The following NPTN variants were observed in gnomAD, a reference collection of about 807,000 sequenced individuals.
NPTN encodes the protein neuroplastin.
In NPTN, 5 loss-of-function variants were observed where a neutral mutation model predicts 42.7. The observed-to-expected ratio is 0.12, with a 90% CI of 0.06 to 0.25. NPTN has a LOEUF of 0.25. Ranked by LOEUF, NPTN falls within the 10% of genes least tolerant of loss-of-function variation. The pLI, the probability that NPTN is intolerant of heterozygous loss-of-function variation, is 1.00. For missense variants in NPTN, 307 were observed against 525.4 expected (o/e 0.58, Z 4.06); for synonymous variants, 180 against 201.9 (o/e 0.89, Z 0.92).
chr15:73,568,927 G>C (rs1219540007), intron 6 of NPTN: 5 of 985,418 alleles, frequency 5.1e-6, no homozygotes, highest in Non-Finnish European at 6.0e-6. Context: ...TGTCCTCCCA[G>C]AGAGTCTAAA....
intron 1 of NPTN, among the ~76,000 whole-genome samples, chr15:73,614,235 A>G (rs1314903504): frequency 6.6e-6 from 1 of 151,886 alleles, no homozygotes; most frequent in African/African-American, 2.4e-5. Flanking sequence ...TGGGAGGATC[A>G]TTTGAGCCTC....
intron 2 of NPTN, among the ~76,000 whole-genome samples, chr15:73,595,357 C>T (rs1393795745): frequency 2.6e-5 from 4 of 151,998 alleles, no homozygotes; most frequent in African/African-American, 9.7e-5. Context: ...AAAAAAAAAT[C>T]ACTGGGTTAA....
chr15:73,596,305 A>G (rs983164641), intron 2 of NPTN, among the ~76,000 whole-genome samples: 3 of 152,222 alleles, frequency 2.0e-5, no homozygotes, highest in Non-Finnish European at 4.4e-5. Flanking sequence ...AGAGAAGCAC[A>G]TGCCACGGTT....
chr15:73,624,218 C>T (rs1898282806), intron 1 of NPTN, among the ~76,000 whole-genome samples: 1 of 152,142 alleles, frequency 6.6e-6, no homozygotes, highest in East Asian at 1.9e-4. Context: ...AGGTTAGCAC[C>T]ATACTTTTGA....
chr15:73,602,989 G>C (rs77793449), intron 1 of NPTN, among the ~76,000 whole-genome samples: 7,456 of 152,246 alleles, frequency 0.049, 197 homozygotes, highest in South Asian at 0.093. Flanking sequence ...TGGAAAAATA[G>C]GGGAATCTAG....
At position 73,603,711 on chromosome 15, in the gene NPTN, A is replaced by C. The variant is rs564546587; in HGVS notation, c.92-6342T>G. On this transcript the variant is annotated intron_variant, in intron 1 of 8. Coordinates refer to ENST00000345330, the MANE Select transcript of NPTN (RefSeq NM_012428.4). ...AGTAGAAAATAATCCTATCAATTAT[A>C]AATCAGGCTGCTTAACAATATTTGG... Among the ~76,000 whole-genome samples the C allele has an allele frequency of 2.2e-4, 34 of 152,126 alleles. No homozygotes were observed. In the South Asian group the frequency reaches 6.2e-3, roughly 28 times the overall value.
intron 1 of NPTN, among the ~76,000 whole-genome samples, chr15:73,632,451 C>CA (rs762070489): frequency 3.9e-5 from 6 of 151,950 alleles, no homozygotes; most frequent in Non-Finnish European, 8.8e-5. Context: ...CCTCTTCCCC[C>CA]AGCTCATTTG....
chr15:73,629,758 C>A (rs1355425417), intron 1 of NPTN, among the ~76,000 whole-genome samples: 3 of 151,772 alleles, frequency 2.0e-5, no homozygotes, highest in African/African-American at 4.8e-5. Flanking sequence ...GTGCCGGGTA[C>A]CACACTCTAT....
At chr15:73,578,634 G>A (rs775405774) in intron 4 of NPTN, among the ~76,000 whole-genome samples, 1 of 152,150 alleles carries the variant, frequency 6.6e-6, no homozygotes, top group Non-Finnish European at 1.5e-5. Flanking sequence ...AAACAGTGGT[G>A]GTAAAAACCA....
At chr15:73,578,811 T>C (rs962960703) in intron 4 of NPTN, among the ~76,000 whole-genome samples, 2 of 151,996 alleles carry the variant, frequency 1.3e-5, no homozygotes, top group African/African-American at 2.4e-5. Context: ...CTGGCCAACC[T>C]GGTGAAACCT....
At chr15:73,590,266 G>A (rs1398860802) in intron 3 of NPTN, among the ~76,000 whole-genome samples, 1 of 152,022 alleles carries the variant, frequency 6.6e-6, no homozygotes, top group Non-Finnish European at 1.5e-5. Flanking sequence ...GTTATTTCAC[G>A]AAATGTAGAA....
At chr15:73,584,788 A>T (rs1896236601) in intron 4 of NPTN, among the ~76,000 whole-genome samples, 1 of 147,822 alleles carries the variant, frequency 6.8e-6, no homozygotes, top group Non-Finnish European at 1.5e-5. Context: ...AAAAAAAGGG[A>T]GAGAATTTAA....
At chr15:73,565,729 A>G (rs1298982082) in intron 6 of NPTN, 2 of 456,458 alleles carry the variant, frequency 4.4e-6, no homozygotes, top group Non-Finnish European at 8.8e-6. Context: ...GATAATGGAA[A>G]CAAGATGCTT....
At chr15:73,617,107 A>G (rs1340034073) in intron 1 of NPTN, among the ~76,000 whole-genome samples, 1 of 152,188 alleles carries the variant, frequency 6.6e-6, no homozygotes, top group Non-Finnish European at 1.5e-5. Context: ...CAATTACTAT[A>G]TTCAAAAAAA....
At chr15:73,599,111 A>G (rs1213834113) in intron 1 of NPTN, among the ~76,000 whole-genome samples, 1 of 152,142 alleles carries the variant, frequency 6.6e-6, no homozygotes, top group Non-Finnish European at 1.5e-5. Context: ...CATTCCTTGT[A>G]AGGAAATATC....
Position 73,611,728 on chromosome 15 carries a change from C to T in NPTN, c.92-14359G>A, listed in dbSNP as rs1484420520. Among the ~76,000 whole-genome samples, 3 of 152,046 alleles carry T rather than the reference C, an allele frequency of 2.0e-5. No individual in the cohort carries two copies. In the East Asian group the frequency reaches 5.8e-4, roughly 29 times the overall value. Reference sequence around the variant, plus strand: ...GTATGCACAACATCAAGAATGAACCCTAAACTCAAAGTCCTAAACTGTGAT... The same window carrying T: ...GTATGCACAACATCAAGAATGAACCTTAAACTCAAAGTCCTAAACTGTGAT... On this transcript the variant is annotated intron_variant, in intron 1 of 8. Transcript: ENST00000345330.
intron 1 of NPTN, among the ~76,000 whole-genome samples, chr15:73,620,119 T>C (rs1287882724): frequency 6.6e-6 from 1 of 152,228 alleles, no homozygotes; most frequent in Non-Finnish European, 1.5e-5. Flanking sequence ...GATAATTTTA[T>C]TTCATCAGCA....
chr15:73,616,649 T>C (rs1323908218), intron 1 of NPTN, among the ~76,000 whole-genome samples: 1 of 152,154 alleles, frequency 6.6e-6, no homozygotes, highest in Non-Finnish European at 1.5e-5. Context: ...TCTACTCTCC[T>C]CAACTTGTTT....
At position 73,587,613 on chromosome 15, in the gene NPTN, T is replaced by C. The variant is rs571055207; in HGVS notation, c.617A>G (p.Asn206Ser). Residue 206 changes from asparagine to serine, a missense_variant, in exon 4 of 9, where the codon AAT becomes AGT. Physicochemically the swap from Asn to Ser is conservative, Grantham distance 46. Coordinates refer to ENST00000345330, the MANE Select transcript of NPTN (RefSeq NM_012428.4). Reference sequence around the variant, plus strand: ...GCCTGAATCCTCAGCTCTCGGCTTATTGATCCTGCAGAGATGAGAAGAAAA... The same window carrying C: ...GCCTGAATCCTCAGCTCTCGGCTTACTGATCCTGCAGAGATGAGAAGAAAA... The part of the protein sequence containing the change: ...KNASNMEYRI[N>S]KPRAEDSGEY... 58 of 1,611,782 alleles carry C rather than the reference T, an allele frequency of 3.6e-5. 1 individual carries two copies. The Admixed American group carries it at 4.3e-4, about 12-fold the overall frequency.
Sources: allele counts gnomAD v4.1 joint callset (sites outside exome capture counted in the v4.1 genomes callset), GRCh38; gene constraint gnomAD v4.1.1; transcripts MANE v1.5; gene names NCBI Gene and HGNC (gene_info 2026-07-23, HGNC 2026-07-21).